FKBP1C: variants seen among roughly 807,000 people sequenced by gnomAD.
The protein encoded by FKBP1C is peptidyl-prolyl cis-trans isomerase FKBP1C.
Under a neutral mutation model 7.1 loss-of-function variants are expected in FKBP1C, and 7 were observed. That is an observed-to-expected ratio of 0.99 (90% CI 0.56 to 1.86). The LOEUF (loss-of-function observed/expected upper bound fraction) is 1.86, where lower values mean the gene tolerates loss of function less well. FKBP1C is among the 40% of genes most tolerant of loss of function. FKBP1C has a pLI of 0.00. For synonymous variants in FKBP1C, 56 were observed against 51.2 expected, an observed-to-expected ratio of 1.09 and a Z score of -0.40; for missense variants, 159 against 139.9, an observed-to-expected ratio of 1.14 and a Z score of -0.69.
At chr6:63,212,021 C>T (rs1451597722) in exon 1 of FKBP1C, 26 of 957,496 alleles carry the variant, frequency 2.7e-5, no homozygotes, top group Admixed American at 6.4e-5. Context: ...TCTGCCCCAA[C>T]TGAATGTGTT....
chr6:63,211,533 G>A (rs1479719271), exon 1 of FKBP1C: 12 of 1,014,996 alleles, frequency 1.2e-5, no homozygotes, highest in East Asian at 1.0e-4. Context: ...CGCGCTGCCC[G>A]CCCGCTCGGC....
chr6:63,212,055 C>A, exon 1 of FKBP1C: 2 of 761,220 alleles, frequency 2.6e-6, no homozygotes, highest in Non-Finnish European at 4.4e-6. Flanking sequence ...TTGCTTCCGA[C>A]ACCTCTGTTT....
In FKBP1C at chr6:63,211,737, G is replaced by A; in HGVS notation, c.181G>A (p.Glu61Lys). The A allele has an allele frequency of 1.9e-6, 3 of 1,614,022 alleles. No individual in the cohort carries two copies. The South Asian group carries it at 3.3e-5, about 18-fold the overall frequency. ...CAAGCAGGAGGTGATCCGAGGCTGGGAAGAAGGGGTTGTCCAGATGAGTGT... is the reference window on the plus strand; with the variant it reads ...CAAGCAGGAGGTGATCCGAGGCTGGAAAGAAGGGGTTGTCCAGATGAGTGT... The change falls in exon 1 of 1, where the codon GAA becomes AAA. Residue 61 changes from glutamate to lysine, a missense_variant. Glu to Lys is a moderately conservative substitution (Grantham distance 56). Transcript: ENST00000370659.
chr6:63,212,336 C>T (rs1032186942), exon 1 of FKBP1C: 11 of 189,672 alleles, frequency 5.8e-5, no homozygotes, highest in East Asian at 1.6e-4. Flanking sequence ...CTTGCTGCTG[C>T]GCTGCAAAAC....
chr6:63,211,592 C>A, exon 1 of FKBP1C: 1 of 1,542,108 alleles, frequency 6.5e-7, no homozygotes, highest in Non-Finnish European at 9.0e-7. Flanking sequence ...CCCCAGGAGA[C>A]TGGCGCACCT....
exon 1 of FKBP1C, chr6:63,211,568 C>A (rs770095791): frequency 2.1e-6 from 3 of 1,409,936 alleles, no homozygotes; most frequent in African/African-American, 1.4e-5. Flanking sequence ...TGGGAGTGCA[C>A]GTGGAAACCA....
exon 1 of FKBP1C, chr6:63,211,475 C>G (rs1158330257): frequency 1.6e-6 from 1 of 631,216 alleles, no homozygotes; most frequent in East Asian, 2.8e-5. Flanking sequence ...AGGGACTAGG[C>G]AGAGCCGTGG....
Sources: allele counts gnomAD v4.1 joint callset, GRCh38; gene constraint gnomAD v4.1.1; transcripts MANE v1.5; gene names NCBI Gene and HGNC (gene_info 2026-07-23, HGNC 2026-07-21).